ADAMTS5: variants seen among roughly 807,000 people sequenced by gnomAD.
ADAMTS5 encodes A disintegrin and metalloproteinase with thrombospondin motifs 5.
Under a neutral mutation model 81.4 loss-of-function variants are expected in ADAMTS5, and 54 were observed. The ratio of observed to expected loss-of-function variants is 0.66; its 90% CI spans 0.53 to 0.83. The LOEUF (loss-of-function observed/expected upper bound fraction) is 0.83, where lower values mean the gene tolerates loss of function less well. ADAMTS5 is among the 40% of genes least tolerant of loss of function. The probability of loss-of-function intolerance (pLI) is 0.00; values close to 1 mark genes in which losing one functional copy is unlikely to be tolerated. For missense variants in ADAMTS5, 1,194 were observed against 1,229.9 expected (o/e 0.97, Z 0.44); for synonymous variants, 532 against 508.8 (o/e 1.05, Z -0.61).
chr21:26,946,883 A>G (rs1289482890), intron 2 of ADAMTS5, among the ~76,000 whole-genome samples: 1 of 152,096 alleles, frequency 6.6e-6, no homozygotes, highest in Non-Finnish European at 1.5e-5. Flanking sequence ...AAAGAGAAAG[A>G]GTTCTTTTTT....
At position 26,918,830 on chromosome 21, in the gene ADAMTS5, C is replaced by A. The variant is rs2830580; in HGVS notation, c.*5223G>T. 1.3e-5 allele frequency: 2 copies of A among 151,148 alleles called. No individual in the cohort carries two copies. The highest frequency in any genetic ancestry group is 2.4e-5 in the African/African-American group (1 of 41,282). The allele number at this position is 151,148 out of a possible 1,614,324, so 9.4% of individuals were successfully genotyped here. A position where few individuals can be genotyped will look rare whatever the true frequency, so the allele number is the denominator to read the frequency against. On this transcript the variant is annotated 3_prime_UTR_variant, in exon 8 of 8. Coordinates refer to ENST00000284987, the MANE Select transcript of ADAMTS5 (RefSeq NM_007038.5). ...GAAAAAAAATCAGGCCAAATATACACGACAGTTTGAATGGAATGCTGAGGA... is the reference window on the plus strand; with the variant it reads ...GAAAAAAAATCAGGCCAAATATACAAGACAGTTTGAATGGAATGCTGAGGA...
rs954218492 is a variant in ADAMTS5, at chr21:26,920,108, C to A, written c.*3945G>T. On this transcript the variant is annotated 3_prime_UTR_variant, in exon 8 of 8. Transcript: ENST00000284987. The stretch of plus-strand genomic sequence containing the variant: ...AGAAAAATTTGATCATTATTAAATT[C>A]AATGTTATTTGACAGTGTGAACTCT... 2 of 152,090 alleles carry A rather than the reference C, an allele frequency of 1.3e-5. No individual in the cohort carries two copies. The highest frequency in any genetic ancestry group is 2.4e-5 in the African/African-American group (1 of 41,444). The allele number at this position is 152,090 out of a possible 1,614,324, so 9.4% of individuals were successfully genotyped here.
intron 1 of ADAMTS5, among the ~76,000 whole-genome samples, chr21:26,955,806 A>C (rs2123202076): frequency 6.6e-6 from 1 of 152,330 alleles, no homozygotes; most frequent in Non-Finnish European, 1.5e-5. Flanking sequence ...AAAATTTACT[A>C]ACAATGTGCT....
chr21:26,923,860 G>T lies in ADAMTS5; in HGVS notation c.*193C>A. ...ACTCCCAAGTTTTTCTATATTGCAA[G>T]GTCACCACTGTCACGTGAAGCAGTG... On this transcript the variant is annotated 3_prime_UTR_variant, in exon 8 of 8. Transcript: ENST00000284987. The T allele has an allele frequency of 1.8e-6, 1 of 552,336 alleles. No homozygotes were observed. Among genetic ancestry groups the T allele is most frequent in the Non-Finnish European group, 3.1e-6 (1 of 322,750 alleles). 34.2% of individuals were successfully genotyped at this position (552,336 alleles called of 1,614,324 possible).
chr21:26,963,292 A>G (rs1397350873), intron 1 of ADAMTS5, among the ~76,000 whole-genome samples: 1 of 152,104 alleles, frequency 6.6e-6, no homozygotes, highest in East Asian at 1.9e-4. Context: ...GGGACAGTTA[A>G]CTATCCAAAC....
In ADAMTS5 at chr21:26,966,790, G is replaced by C. The variant is rs1162908320; in HGVS notation, c.-399C>G. ...AGGAAAGGTACCGCGCACCGGGCTGGCAACTGGTGCGCGCAGCCTCCCGCC... is the reference window on the plus strand; with the variant it reads ...AGGAAAGGTACCGCGCACCGGGCTGCCAACTGGTGCGCGCAGCCTCCCGCC... On this transcript the variant is annotated 5_prime_UTR_variant, in exon 1 of 8. Coordinates refer to ENST00000284987, the MANE Select transcript of ADAMTS5 (RefSeq NM_007038.5). Among the ~76,000 whole-genome samples the C allele has an allele frequency of 6.6e-6, 1 of 152,166 alleles. No individual in the cohort carries two copies. Among genetic ancestry groups the C allele is most frequent in the African/African-American group, 2.4e-5 (1 of 41,430 alleles).
intron 3 of ADAMTS5, among the ~76,000 whole-genome samples, chr21:26,935,102 G>A (rs1321455614): frequency 6.6e-6 from 1 of 152,098 alleles, no homozygotes; most frequent in African/African-American, 2.4e-5. Context: ...ATCAGATGGT[G>A]AATTTTAATA....
In ADAMTS5 at chr21:26,966,278, T is replaced by A; in HGVS notation, c.114A>T (p.Ala38=). The A allele has an allele frequency of 6.4e-7, 1 of 1,564,346 alleles. No individual in the cohort carries two copies. The highest frequency in any genetic ancestry group is 8.6e-7 in the Non-Finnish European group (1 of 1,159,724). The change falls in exon 1 of 8, where the codon GCA becomes GCT. Residue 38 remains alanine (A), a synonymous_variant. Coordinates refer to ENST00000284987, the MANE Select transcript of ADAMTS5 (RefSeq NM_007038.5). Reference sequence around the variant, plus strand: ...GCCGCCGGCGGGGCTGGGCGGCTGCTGCAGCAGTCGGAGGCTGCCCGGCTT... The same window carrying A: ...GCCGCCGGCGGGGCTGGGCGGCTGCAGCAGCAGTCGGAGGCTGCCCGGCTT... ...QDKAGQPPTA[A]AAAQPRRRQG... is the part of the protein sequence containing the mutation.
chr21:26,951,679 CAAAAAAAAAAAAAAAAAAAAAAAA>C (rs58060427), intron 2 of ADAMTS5, among the ~76,000 whole-genome samples: 12 of 46,630 alleles, frequency 2.6e-4, no homozygotes, highest in South Asian at 1.4e-3. Flanking sequence ...CCCTCCATCT[CAAAAAAAAAAAAAAAAAAAAAAAA>C]AAAAAAAAAA....
In ADAMTS5 at chr21:26,933,058, T is replaced by C. The variant is rs199906994; in HGVS notation, c.1690-14A>G. 748 of 1,599,524 alleles carry C rather than the reference T, an allele frequency of 4.7e-4. No homozygotes were observed. Among genetic ancestry groups the C allele is most frequent in the Non-Finnish European group, 6.0e-4 (706 of 1,175,302 alleles). On this transcript the variant is annotated splice_polypyrimidine_tract_variant and intron_variant, in intron 4 of 7. Coordinates refer to ENST00000284987, the MANE Select transcript of ADAMTS5 (RefSeq NM_007038.5). Reference sequence around the variant, plus strand: ...ATGGCTTGACGTCTGAAATAGAGAATAGAATATATTTTAACTCCAATGAGA... The same window carrying C: ...ATGGCTTGACGTCTGAAATAGAGAACAGAATATATTTTAACTCCAATGAGA...
intron 2 of ADAMTS5, among the ~76,000 whole-genome samples, chr21:26,951,329 C>T (rs923696120): frequency 6.6e-6 from 1 of 152,082 alleles, no homozygotes; most frequent in Admixed American, 6.6e-5. Flanking sequence ...GTAACACATT[C>T]ACACTGTTTG....
rs549312838 is a variant in ADAMTS5 at position 26,943,630 on chromosome 21, T to G, written c.1238-83A>C. 17 of 1,324,992 alleles carry G rather than the reference T, an allele frequency of 1.3e-5. No homozygotes were observed. The East Asian group carries it at 4.0e-4, about 31-fold the overall frequency. The allele number at this position is 1,324,992 out of a possible 1,614,324, so 82.1% of individuals were successfully genotyped here. On this transcript the variant is annotated intron_variant, in intron 2 of 7. Coordinates refer to ENST00000284987, the MANE Select transcript of ADAMTS5 (RefSeq NM_007038.5). ...CATGACAATTATGCTAGGGCTTGAT[T>G]TTTTTCCCCTAATTGTAGATGAGTT...
chr21:26,928,021 G>A (rs1986836044), intron 7 of ADAMTS5, among the ~76,000 whole-genome samples: 2 of 152,108 alleles, frequency 1.3e-5, no homozygotes, highest in African/African-American at 4.8e-5. Flanking sequence ...TGAGGGAGGA[G>A]CGAGTTAAGA....
In ADAMTS5 at chr21:26,932,903, C is replaced by T; in HGVS notation, c.1831G>A (p.Ala611Thr). Residue 611 changes from alanine (A) to threonine (T), a missense_variant, in exon 5 of 8, where the codon GCC (alanine) becomes ACC (threonine). By Grantham distance (58) the Ala-to-Thr change is moderately conservative. Transcript: ENST00000284987. ...NNGRYCTGKR[A>T]IYRSCSLMPC... ...ATGAGACTGCAGGAGCGGTAGATGG[C>T]CCTCTTCCCTGTGCAGTAGCGTCCG... 2.5e-6 allele frequency: 4 copies of T among 1,613,752 alleles called. No individual in the cohort carries two copies. Among genetic ancestry groups the T allele is most frequent in the Non-Finnish European group, 3.4e-6 (4 of 1,179,926 alleles).
At chr21:26,947,155 A>C (rs547706319) in intron 2 of ADAMTS5, among the ~76,000 whole-genome samples, 13 of 152,332 alleles carry the variant, frequency 8.5e-5, no homozygotes, top group African/African-American at 3.1e-4. Flanking sequence ...TGCTTGAGCA[A>C]TTTTGTTTAC....
chr21:26,922,965 C>G lies in ADAMTS5; in HGVS notation c.*1088G>C, dbSNP rs879469996. On this transcript the variant is annotated 3_prime_UTR_variant, in exon 8 of 8. Transcript: ENST00000284987. ...TTCTAATAAAATAAGTCAAGAAATA[C>G]AAAACATTGTAGGTCTTACTGAACC... The G allele has an allele frequency of 1.3e-5, 2 of 152,426 alleles. No individual in the cohort carries two copies. Among genetic ancestry groups the G allele is most frequent in the Admixed American group, 1.3e-4 (2 of 15,260 alleles). The allele number at this position is 152,426 out of a possible 1,614,324, so 9.4% of individuals were successfully genotyped here.
chr21:26,927,509 G>T (rs758735709), intron 7 of ADAMTS5, among the ~76,000 whole-genome samples: 20 of 152,148 alleles, frequency 1.3e-4, no homozygotes, highest in Non-Finnish European at 2.6e-4. Context: ...CTCATACCTG[G>T]TGTCATGTTT....
chr21:26,921,459 T>G lies in ADAMTS5; in HGVS notation c.*2594A>C, dbSNP rs1372485586. On this transcript the variant is annotated 3_prime_UTR_variant, in exon 8 of 8. Transcript: ENST00000284987. ...TTCAGACGAATTCTTTTTTTTTTTT[T>G]TTTTTAAAGAAGTAGCCCCTAGCAT... 2 of 151,704 alleles carry G rather than the reference T, an allele frequency of 1.3e-5. No homozygotes were observed. Among genetic ancestry groups the G allele is most frequent in the African/African-American group, 4.8e-5 (2 of 41,380 alleles). 9.4% of individuals were successfully genotyped at this position (151,704 alleles called of 1,614,324 possible). A position where few individuals can be genotyped will look rare whatever the true frequency, so the allele number is the denominator to read the frequency against.
intron 6 of ADAMTS5, 96 bp from the exon 7 acceptor site, chr21:26,930,157 T>C: frequency 1.5e-6 from 2 of 1,296,152 alleles, no homozygotes; most frequent in South Asian, 2.7e-5. Flanking sequence ...TTTTTTGAGT[T>C]TGATTGGTAT....
Sources: allele counts gnomAD v4.1 joint callset (sites outside exome capture counted in the v4.1 genomes callset), GRCh38; gene constraint gnomAD v4.1.1; transcripts MANE v1.5; gene names NCBI Gene and HGNC (gene_info 2026-07-23, HGNC 2026-07-21).